The following CDH10 variants were observed in gnomAD, a reference collection of about 807,000 sequenced individuals.
The protein encoded by CDH10 is cadherin 10.
A neutral mutation model predicts 73.1 loss-of-function variants in CDH10; 30 were observed. The ratio of observed to expected loss-of-function variants is 0.41; its 90% CI spans 0.31 to 0.56. CDH10 has a LOEUF of 0.56. Ranked by LOEUF, CDH10 falls within the 20% of genes least tolerant of loss-of-function variation. CDH10 has a pLI of 0.27. For missense variants in CDH10, 815 were observed against 973.7 expected, an observed-to-expected ratio of 0.84 and a Z score of 2.17; for synonymous variants, 345 against 348.2, an observed-to-expected ratio of 0.99 and a Z score of 0.10.
intron 2 of CDH10, among the ~76,000 whole-genome samples, chr5:24,591,494 T>A (rs939320473): frequency 6.6e-6 from 1 of 151,946 alleles, no homozygotes; most frequent in African/African-American, 2.4e-5. Flanking sequence ...TTTGTTTTCA[T>A]AAAGCAGAGT....
chr5:24,620,482 A>G (rs1747276946), intron 1 of CDH10, among the ~76,000 whole-genome samples: 1 of 152,196 alleles, frequency 6.6e-6, no homozygotes, highest in South Asian at 2.1e-4. Context: ...ATGTGATTGC[A>G]TCCTTTTTCT....
rs1742827879 is a variant in CDH10 at position 24,509,728 on chromosome 5, A to G, written c.1094T>C (p.Phe365Ser). 1 of 1,613,168 alleles carries G rather than the reference A, an allele frequency of 6.2e-7. No individual in the cohort carries two copies. The highest frequency in any genetic ancestry group is 1.3e-5 in the African/African-American group (1 of 74,860). The change falls in exon 7 of 12, where the codon TTT (phenylalanine) becomes TCT (serine). Residue 365 changes from phenylalanine to serine, a missense_variant. Physicochemically the swap from Phe to Ser is radical, Grantham distance 155 (BLOSUM62 -2). Around this residue, in one of 3 missense-constraint regions of CDH10, gnomAD observed 516 missense variants for 636.6 expected, o/e 0.81. Coordinates refer to ENST00000264463, the MANE Select transcript of CDH10 (RefSeq NM_006727.5). ...GATTTTCACTATGGTAGTATCTTTA[A>G]ATGGTCCTAGGTAATAAAAACGGGG... ...VDPRFYYLGP[F>S]KDTTIVKISI...
At chr5:24,584,473 T>TGA (rs1434416598) in intron 2 of CDH10, among the ~76,000 whole-genome samples, 3,271 of 109,164 alleles carry the variant, frequency 0.03, 105 homozygotes, top group African/African-American at 0.06. Context: ...TTTGTGTGTG[T>TGA]GTGAGAGAGA....
chr5:24,556,931 A>T (rs928157378), intron 2 of CDH10, among the ~76,000 whole-genome samples: 2 of 151,176 alleles, frequency 1.3e-5, no homozygotes, highest in Non-Finnish European at 3.0e-5. Context: ...ATTACTTCAA[A>T]TTTTTTAAAC....
intron 2 of CDH10, among the ~76,000 whole-genome samples, chr5:24,583,164 T>G (rs1745864716): frequency 6.6e-6 from 1 of 150,864 alleles, no homozygotes; most frequent in Non-Finnish European, 1.5e-5. Context: ...AACATCTTTA[T>G]GTACTGTAAT....
intron 5 of CDH10, among the ~76,000 whole-genome samples, chr5:24,523,259 G>C (rs1743405384): frequency 6.6e-6 from 1 of 151,986 alleles, no homozygotes; most frequent in African/African-American, 2.4e-5. Context: ...CTTAATCCTA[G>C]ATGAACTAAA....
chr5:24,511,545 CAG>C (rs55901211), intron 5 of CDH10, 31 bp from the exon 6 acceptor site: 18,621 of 570,704 alleles, frequency 0.033, 90 homozygotes, highest in Admixed American at 0.05. Context: ...AAGAGAGAGA[CAG>C]AGAGAGAGAG....
intron 2 of CDH10, among the ~76,000 whole-genome samples, chr5:24,569,421 C>T (rs79409443): frequency 6.6e-6 from 1 of 151,838 alleles, no homozygotes; most frequent in Non-Finnish European, 1.5e-5. Flanking sequence ...TAAAATAAAT[C>T]ATAGGAATTT....
At chr5:24,592,757 C>A (rs1192969999) in intron 2 of CDH10, among the ~76,000 whole-genome samples, 1 of 151,710 alleles carries the variant, frequency 6.6e-6, no homozygotes, top group Non-Finnish European at 1.5e-5. Flanking sequence ...AAATAAATAA[C>A]ATTCATACCT....
At chr5:24,590,313 T>A (rs1398080460) in intron 2 of CDH10, among the ~76,000 whole-genome samples, 1 of 151,452 alleles carries the variant, frequency 6.6e-6, no homozygotes, top group Non-Finnish European at 1.5e-5. Context: ...AGTTTTTAAA[T>A]ACACATATAA....
intron 5 of CDH10, among the ~76,000 whole-genome samples, chr5:24,534,887 G>A (rs960713951): frequency 6.8e-6 from 1 of 147,634 alleles, no homozygotes; most frequent in African/African-American, 2.7e-5. Context: ...TGGGATCATA[G>A]GTCTTCCTGT....
chr5:24,548,646 T>C (rs936634400), intron 2 of CDH10, among the ~76,000 whole-genome samples: 1 of 152,148 alleles, frequency 6.6e-6, no homozygotes, highest in Admixed American at 6.5e-5. Flanking sequence ...TGAGACTAGT[T>C]AGTTTGATCA....
intron 1 of CDH10, among the ~76,000 whole-genome samples, chr5:24,599,530 C>CTA (rs1421789860): frequency 3.9e-5 from 6 of 152,166 alleles, no homozygotes; most frequent in Non-Finnish European, 8.8e-5. Context: ...AACTAACTTA[C>CTA]TATGCACTTT....
Position 24,487,935 on chromosome 5 carries a change from G to A in CDH10, c.2095C>T (p.Arg699Trp), listed in dbSNP as rs1741903019. The A allele has an allele frequency of 6.2e-7, 1 of 1,613,700 alleles. No individual in the cohort carries two copies. The highest frequency in any genetic ancestry group is 1.7e-5 in the Admixed American group (1 of 59,938). The change falls in exon 12 of 12, where the codon CGG becomes TGG. Residue 699 changes from arginine to tryptophan, a missense_variant. Arg to Trp is a moderately radical substitution (Grantham distance 101). Transcript: ENST00000264463. ...DIIPETLFIP[R>W]RTPTAPDNTD... ...TTATCTGGAGCTGTAGGAGTCCTCC[G>A]AGGAATAAATAACGTTTCTGGAATA...
rs544303560 is a variant in CDH10 at position 24,498,411 on chromosome 5, G to A, written c.1502C>T (p.Ala501Val). Residue 501 changes from alanine (A) to valine (V), a missense_variant, in exon 9 of 12, where the codon GCC (alanine) becomes GTC (valine). Transcript: ENST00000264463. ...GTAGGGGCTTACCTGCCCTGGTCTG[G>A]CATTTTCACATACAAAAGTGTCATA... ...VFYDTFVCEN[A>V]RPGQLIQTIS... 1.2e-5 allele frequency: 19 copies of A among 1,604,354 alleles called. No homozygotes were observed. The highest frequency in any genetic ancestry group is 1.7e-5 in the Admixed American group (1 of 59,800).
chr5:24,513,199 A>C (rs1742986089), intron 5 of CDH10, among the ~76,000 whole-genome samples: 1 of 151,824 alleles, frequency 6.6e-6, no homozygotes, highest in African/African-American at 2.4e-5. Context: ...TTATATTTTT[A>C]GTAGAGACCG....
At chr5:24,619,747 TGATTG>T (rs1237538935) in intron 1 of CDH10, among the ~76,000 whole-genome samples, 3 of 152,068 alleles carry the variant, frequency 2.0e-5, no homozygotes. Flanking sequence ...GTCTAGGAGA[TGATTG>T]GGTCATGATT....
At chr5:24,574,294 A>C (rs535147594) in intron 2 of CDH10, among the ~76,000 whole-genome samples, 1 of 152,240 alleles carries the variant, frequency 6.6e-6, no homozygotes. Context: ...CTTTTTTCAA[A>C]ATCCATCAGT....
chr5:24,587,051 A>G (rs903894851), intron 2 of CDH10, among the ~76,000 whole-genome samples: 4 of 150,606 alleles, frequency 2.7e-5, no homozygotes, highest in African/African-American at 7.3e-5. Flanking sequence ...TCATCGTGTT[A>G]GCCAGAATGG....
Sources: gnomAD v4.1 joint callset for allele counts (sites outside exome capture counted in the v4.1 genomes callset) on GRCh38, gnomAD v4.1.1 for gene constraint, gnomAD v4.1.1 regional missense constraint, MANE v1.5 for transcripts, NCBI Gene and HGNC (gene_info 2026-07-23, HGNC 2026-07-21) for gene names.